CFAP299: variants seen among roughly 807,000 people sequenced by gnomAD.
CFAP299 encodes the protein cilia- and flagella-associated protein 299.
In CFAP299, 21 loss-of-function variants were observed where a neutral mutation model predicts 27.0. The ratio of observed to expected loss-of-function variants is 0.78; its 90% CI spans 0.55 to 1.12. The LOEUF (loss-of-function observed/expected upper bound fraction) is 1.12, where lower values mean the gene tolerates loss of function less well. Ranked by LOEUF, CFAP299 falls within the 50% of genes most tolerant of loss-of-function variation. The pLI, the probability that CFAP299 is intolerant of heterozygous loss-of-function variation, is 0.00. For synonymous variants in CFAP299, 104 were observed against 98.1 expected, an observed-to-expected ratio of 1.06 and a Z score of -0.36; for missense variants, 310 against 276.6, an observed-to-expected ratio of 1.12 and a Z score of -0.86.
chr4:80,496,289 C>A (rs1405216108), intron 2 of CFAP299, among the ~76,000 whole-genome samples: 1 of 152,184 alleles, frequency 6.6e-6, no homozygotes, highest in African/African-American at 2.4e-5. Flanking sequence ...GTTAGAAACA[C>A]CCACACCACA....
intron 3 of CFAP299, among the ~76,000 whole-genome samples, chr4:80,796,469 A>G: frequency 6.6e-6 from 1 of 152,204 alleles, no homozygotes; most frequent in East Asian, 1.9e-4. Flanking sequence ...AGATTATGAC[A>G]GGAAGCTGGA....
intron 3 of CFAP299, among the ~76,000 whole-genome samples, chr4:80,812,238 A>C (rs2110117519): frequency 6.6e-6 from 1 of 152,204 alleles, no homozygotes; most frequent in African/African-American, 2.4e-5. Context: ...TTGAATTTTG[A>C]TCAACTCTTA....
the CFAP299 span, among the ~76,000 whole-genome samples, chr4:80,328,411 A>G: frequency 1.3e-5 from 2 of 151,482 alleles, no homozygotes; most frequent in African/African-American, 2.4e-5. Flanking sequence ...ATTGGAGGAC[A>G]TAGGTTGCAT....
chr4:80,919,126 ATTTCT>A lies in CFAP299; in HGVS notation c.477-25677_477-25673del, dbSNP rs550258204. ...TGAACCCACAACCCTATGGACCTGA[ATTTCT>A]TTTCTTCTTACTATTTTAGTAAACA... On this transcript the variant is annotated intron_variant, in intron 4 of 5. Coordinates refer to ENST00000358105, the MANE Select transcript of CFAP299 (RefSeq NM_152770.3). 2.5e-3 allele frequency among the ~76,000 whole-genome samples: 388 copies of A among 152,232 alleles called. 1 individual carries two copies. The highest frequency in any genetic ancestry group is 7.7e-3 in the African/African-American group (321 of 41,550).
At chr4:80,711,584 CTG>C (rs1722176951) in intron 3 of CFAP299, among the ~76,000 whole-genome samples, 1 of 152,024 alleles carries the variant, frequency 6.6e-6, no homozygotes, top group African/African-American at 2.4e-5. Flanking sequence ...GATGAGGAAA[CTG>C]GGGCTGAGGG....
chr4:80,800,505 T>TA (rs377302612), intron 3 of CFAP299, among the ~76,000 whole-genome samples: 220 of 3,784 alleles, frequency 0.058, 24 homozygotes, highest in African/African-American at 0.095. Flanking sequence ...TATAATATAT[T>TA]ATATAATATA....
chr4:80,776,028 G>T (rs1363916569), intron 3 of CFAP299, among the ~76,000 whole-genome samples: 1 of 151,996 alleles, frequency 6.6e-6, no homozygotes, highest in African/African-American at 2.4e-5. Flanking sequence ...TTCTCCCCCT[G>T]GATGTAGACT....
intron 3 of CFAP299, among the ~76,000 whole-genome samples, chr4:80,759,872 C>T (rs1044074514): frequency 4.6e-5 from 7 of 152,018 alleles, no homozygotes; most frequent in South Asian, 2.1e-4. Context: ...TCTCCTTAAA[C>T]GTGTTTTTTT....
chr4:80,326,813 T>A, the CFAP299 span, among the ~76,000 whole-genome samples: 1 of 152,240 alleles, frequency 6.6e-6, no homozygotes, highest in African/African-American at 2.4e-5. Flanking sequence ...TTTATAAAAC[T>A]TCGTTGTTTA....
chr4:80,553,923 TTC>T (rs985406367), intron 2 of CFAP299, among the ~76,000 whole-genome samples: 2 of 152,184 alleles, frequency 1.3e-5, no homozygotes, highest in Non-Finnish European at 2.9e-5. Context: ...TGCACATATT[TTC>T]TCTCTTTCTG....
chr4:80,587,564 C>T (rs1016016766), intron 3 of CFAP299, among the ~76,000 whole-genome samples: 1 of 152,118 alleles, frequency 6.6e-6, no homozygotes, highest in Non-Finnish European at 1.5e-5. Context: ...GTGTAAAGCA[C>T]ATCTAAGCCT....
chr4:80,406,736 A>G (rs1175021177), intron 2 of CFAP299, among the ~76,000 whole-genome samples: 1 of 152,180 alleles, frequency 6.6e-6, no homozygotes, highest in African/African-American at 2.4e-5. Context: ...TCAAAGTCCA[A>G]TACTAGTGAA....
chr4:80,880,063 C>T (rs1264565222), intron 4 of CFAP299, among the ~76,000 whole-genome samples: 1 of 148,068 alleles, frequency 6.8e-6, no homozygotes, highest in Non-Finnish European at 1.5e-5. Context: ...CAAGAAAGTT[C>T]AGAAAATGAA....
chr4:80,817,483 C>T (rs1050157934), intron 3 of CFAP299, among the ~76,000 whole-genome samples: 28 of 151,986 alleles, frequency 1.8e-4, no homozygotes, highest in African/African-American at 6.3e-4. Context: ...CCCCAAAATA[C>T]ACATTAGATT....
intron 4 of CFAP299, among the ~76,000 whole-genome samples, chr4:80,915,261 A>C (rs888972026): frequency 4.6e-5 from 7 of 152,018 alleles, no homozygotes; most frequent in African/African-American, 1.7e-4. Flanking sequence ...GTGGGTATAG[A>C]ACTCCAGTTT....
chr4:80,669,065 A>G (rs1007041695), intron 3 of CFAP299, among the ~76,000 whole-genome samples: 1 of 131,896 alleles, frequency 7.6e-6, no homozygotes, highest in Admixed American at 7.5e-5. Context: ...GGTATTTTAT[A>G]TTCTTTGTAG....
intron 2 of CFAP299, among the ~76,000 whole-genome samples, chr4:80,449,100 A>G (rs1578456575): frequency 6.6e-6 from 1 of 152,160 alleles, no homozygotes; most frequent in Non-Finnish European, 1.5e-5. Flanking sequence ...TTGTATCCCA[A>G]CAAGCCAAAT....
intron 2 of CFAP299, among the ~76,000 whole-genome samples, chr4:80,445,182 C>G (rs1728561485): frequency 6.6e-6 from 1 of 152,064 alleles, no homozygotes; most frequent in Admixed American, 6.5e-5. Flanking sequence ...GGGTGTATAC[C>G]CAAAGGATTA....
chr4:80,386,393 C>T, intron 2 of CFAP299: 2 of 1,532,066 alleles, frequency 1.3e-6, no homozygotes, highest in Non-Finnish European at 1.8e-6. Flanking sequence ...CCTCGGGCAC[C>T]AGACCAGCCC....
Sources: gnomAD v4.1 joint callset for allele counts (sites outside exome capture counted in the v4.1 genomes callset) on GRCh38, gnomAD v4.1.1 for gene constraint, MANE v1.5 for transcripts, NCBI Gene and HGNC (gene_info 2026-07-23, HGNC 2026-07-21) for gene names.